The following FOXI2 variants were observed in gnomAD, a reference collection of about 807,000 sequenced individuals.
FOXI2 encodes forkhead box I2.
In FOXI2, 17 loss-of-function variants were observed where a neutral mutation model predicts 14.3. The ratio of observed to expected loss-of-function variants is 1.19; its 90% CI spans 0.81 to 1.78. FOXI2 has a LOEUF of 1.78. Among genes scored for constraint, FOXI2 ranks in the 40% most tolerant of loss-of-function variants. FOXI2 has a pLI of 0.00. For missense variants in FOXI2, 541 were observed against 460.0 expected (o/e 1.18, Z -1.61); for synonymous variants, 240 against 218.8 (o/e 1.10, Z -0.85).
chr10:127,739,227 C>A lies in FOXI2; in HGVS notation c.*262C>A. On this transcript the variant is annotated 3_prime_UTR_variant, in exon 2 of 2. Coordinates refer to ENST00000388920, the MANE Select transcript of FOXI2 (RefSeq NM_207426.3). ...TGCCTCTAAGTCCAGCCGCCCTGGG[C>A]GTCTAGAACCTGTGCTCTCGAGGGA... The A allele has an allele frequency of 2.2e-6, 1 of 464,008 alleles. No homozygotes were observed. The highest frequency in any genetic ancestry group is 4.0e-5 in the Admixed American group (1 of 25,186). The allele number at this position is 464,008 out of a possible 1,614,324, so 28.7% of individuals were successfully genotyped here. A position where few individuals can be genotyped will look rare whatever the true frequency, so the allele number is the denominator to read the frequency against.
Position 127,740,152 on chromosome 10 carries a change from C to CA in FOXI2, c.*1187_*1188insA, listed in dbSNP as rs1564749644. Reference sequence around the variant, plus strand: ...ACACACACCCACACTCATACTCACACCCACACCCACACTCATACTCACACA... The same window carrying CA: ...ACACACACCCACACTCATACTCACACACCACACCCACACTCATACTCACACA... On this transcript the variant is annotated 3_prime_UTR_variant, in exon 2 of 2. Coordinates refer to ENST00000388920, the MANE Select transcript of FOXI2 (RefSeq NM_207426.3). 2.1e-5 allele frequency: 3 copies of CA among 140,260 alleles called. No individual in the cohort carries two copies. The highest frequency in any genetic ancestry group is 3.1e-5 in the Non-Finnish European group (2 of 64,136). The allele number at this position is 140,260 out of a possible 1,614,324, so 8.7% of individuals were successfully genotyped here. A position where few individuals can be genotyped will look rare whatever the true frequency, so the allele number is the denominator to read the frequency against.
Position 127,740,205 on chromosome 10 carries a change from ACACC to A in FOXI2, c.*1244_*1247del, listed in dbSNP as rs772352372. On this transcript the variant is annotated 3_prime_UTR_variant, in exon 2 of 2. Coordinates refer to ENST00000388920, the MANE Select transcript of FOXI2 (RefSeq NM_207426.3). ...CACACCCACACCCACACCCACACCC[ACACC>A]CACACCCACACTCACACAGGCTCAT... 2.0e-5 allele frequency: 3 copies of A among 150,956 alleles called. No homozygotes were observed. The highest frequency in any genetic ancestry group is 4.2e-4 in the South Asian group (2 of 4,774). 9.4% of individuals were successfully genotyped at this position (150,956 alleles called of 1,614,324 possible).
rs1201809947 is a variant in FOXI2 at position 127,737,259 on chromosome 10, C to G, written c.-15C>G. On this transcript the variant is annotated 5_prime_UTR_variant, in exon 1 of 2. Coordinates refer to ENST00000388920, the MANE Select transcript of FOXI2 (RefSeq NM_207426.3). ...CGGTGCGGCACCGCTGGCCCAGGCCCGGGCGCGGCTGGACATGGCCACCTA... is the reference window on the plus strand; with the variant it reads ...CGGTGCGGCACCGCTGGCCCAGGCCGGGGCGCGGCTGGACATGGCCACCTA... The G allele has an allele frequency of 3.4e-6, 5 of 1,471,494 alleles. No homozygotes were observed. Among genetic ancestry groups the G allele is most frequent in the African/African-American group, 1.5e-5 (1 of 67,556 alleles). The allele number at this position is 1,471,494 out of a possible 1,614,324, so 91.2% of individuals were successfully genotyped here.
Position 127,739,968 on chromosome 10 carries a change from TACTCACACTC to T in FOXI2, c.*1006_*1015del, listed in dbSNP as rs1167953776. On this transcript the variant is annotated 3_prime_UTR_variant, in exon 2 of 2. Coordinates refer to ENST00000388920, the MANE Select transcript of FOXI2 (RefSeq NM_207426.3). ...TCACACCCACACACACCCACACTCA[TACTCACACTC>T]ACACCCACACTCACACCACACCCAC... The T allele has an allele frequency of 7.3e-3, 316 of 43,448 alleles. 14 individuals are homozygous for T. Among genetic ancestry groups the T allele is most frequent in the Non-Finnish European group, 0.011 (257 of 23,972 alleles). 2.7% of individuals were successfully genotyped at this position (43,448 alleles called of 1,614,324 possible).
Position 127,738,623 on chromosome 10 carries a change from G to T in FOXI2, c.615G>T (p.Val205=), listed in dbSNP as rs749781674. 6.2e-7 allele frequency: 1 copy of T among 1,605,114 alleles called. No homozygotes were observed. The highest frequency in any genetic ancestry group is 2.2e-5 in the East Asian group (1 of 44,572). ...GGAGAGCTGAAGCCAGCGCGGCCGT[G>T]CGCTCGGGAGCCAGGAGCGTGGGAG... ...RKRRAEASAA[V]RSGARSVGGA... The change falls in exon 2 of 2, where the codon GTG becomes GTT. Residue 205 remains valine (V), a synonymous_variant. Coordinates refer to ENST00000388920, the MANE Select transcript of FOXI2 (RefSeq NM_207426.3).
At chr10:127,737,852 G>A in intron 1 of FOXI2, 68 bp downstream of exon 1, 1 of 1,556,562 alleles carries the variant, frequency 6.4e-7, no homozygotes, top group African/African-American at 1.4e-5. Context: ...CGGGCACTCC[G>A]GGGGTGGGAG....
rs1309093520 is a variant in FOXI2, at chr10:127,738,840, A to G, written c.832A>G (p.Thr278Ala). ...GDFSFGRRPP[T>A]VATHAPQTLN... Reference sequence around the variant, plus strand: ...CTTTTCTTTCGGGAGGCGGCCACCGACAGTCGCCACCCACGCTCCCCAGAC... The same window carrying G: ...CTTTTCTTTCGGGAGGCGGCCACCGGCAGTCGCCACCCACGCTCCCCAGAC... The change falls in exon 2 of 2, where the codon ACA becomes GCA. Residue 278 changes from threonine to alanine, a missense_variant. Physicochemically the swap from Thr to Ala is moderately conservative, Grantham distance 58. Transcript: ENST00000388920. 1.2e-6 allele frequency: 2 copies of G among 1,606,946 alleles called. No individual in the cohort carries two copies. Among genetic ancestry groups the G allele is most frequent in the Non-Finnish European group, 1.7e-6 (2 of 1,178,006 alleles).
In FOXI2 at chr10:127,737,210, G is replaced by A; in HGVS notation, c.-64G>A. ...GCACCCGGGCGCTGCTGGCGGCCAA[G>A]CTGGATGGGTCGCCAGTGAGTTTCG... is the stretch of plus-strand genomic sequence containing the variant. On this transcript the variant is annotated 5_prime_UTR_variant, in exon 1 of 2. Transcript: ENST00000388920. The A allele has an allele frequency of 6.9e-7, 1 of 1,447,016 alleles. No individual in the cohort carries two copies. The highest frequency in any genetic ancestry group is 9.0e-7 in the Non-Finnish European group (1 of 1,110,480). 89.6% of individuals were successfully genotyped at this position (1,447,016 alleles called of 1,614,324 possible). A position where few individuals can be genotyped will look rare whatever the true frequency, so the allele number is the denominator to read the frequency against.
Position 127,740,090 on chromosome 10 carries a change from T to TCACACTCACACCCA in FOXI2, c.*1129_*1142dup, listed in dbSNP as rs1846500576. ...CTCATACTCACACTCACACCCACAC[T>TCACACTCACACCCA]CACACTCACACCCACACTCACACCA... On this transcript the variant is annotated 3_prime_UTR_variant, in exon 2 of 2. Coordinates refer to ENST00000388920, the MANE Select transcript of FOXI2 (RefSeq NM_207426.3). 1.5e-5 allele frequency: 1 copy of TCACACTCACACCCA among 65,034 alleles called. No homozygotes were observed. The highest frequency in any genetic ancestry group is 6.9e-5 in the African/African-American group (1 of 14,428). 4.0% of individuals were successfully genotyped at this position (65,034 alleles called of 1,614,324 possible). A position where few individuals can be genotyped will look rare whatever the true frequency, so the allele number is the denominator to read the frequency against.
Position 127,740,056 on chromosome 10 carries a change from ACACCCACAC to A in FOXI2, c.*1092_*1100del. The A allele has an allele frequency of 9.4e-6, 1 of 106,184 alleles. No homozygotes were observed. Among genetic ancestry groups the A allele is most frequent in the East Asian group, 3.3e-4 (1 of 3,016 alleles). The allele number at this position is 106,184 out of a possible 1,614,324, so 6.6% of individuals were successfully genotyped here. A position where few individuals can be genotyped will look rare whatever the true frequency, so the allele number is the denominator to read the frequency against. On this transcript the variant is annotated 3_prime_UTR_variant, in exon 2 of 2. Coordinates refer to ENST00000388920, the MANE Select transcript of FOXI2 (RefSeq NM_207426.3). ...CACACTCACACTGACACCCACACTC[ACACCCACAC>A]TCATACTCACACTCACACCCACACT... is the stretch of plus-strand genomic sequence containing the variant.
intron 1 of FOXI2, 129 bp downstream of exon 1, chr10:127,737,913 G>C (rs1367786492): frequency 8.6e-6 from 12 of 1,396,722 alleles, no homozygotes; most frequent in Non-Finnish European, 1.1e-5. Flanking sequence ...ACCCGGGGAG[G>C]AGGGAGAAGG....
rs1199206719 is a variant in FOXI2, at chr10:127,738,987, G to A, written c.*22G>A. ...TTGAAGGGAGGCTGGAGGCTAGCCG[G>A]GTGCGGGTCCAGAGGTGCTGAGCTC... is the stretch of plus-strand genomic sequence containing the variant. On this transcript the variant is annotated 3_prime_UTR_variant, in exon 2 of 2. Coordinates refer to ENST00000388920, the MANE Select transcript of FOXI2 (RefSeq NM_207426.3). 1 of 1,588,728 alleles carries A rather than the reference G, an allele frequency of 6.3e-7. No homozygotes were observed. Among genetic ancestry groups the A allele is most frequent in the Non-Finnish European group, 8.5e-7 (1 of 1,173,486 alleles).
Position 127,740,112 on chromosome 10 carries a change from A to ACCCACACTCACC in FOXI2, c.*1149_*1150insCACACTCACCCC, listed in dbSNP as rs1554874555. Reference sequence around the variant, plus strand: ...CACTCACACTCACACCCACACTCACACCACACTCACACCCACACACACCCA... The same window carrying ACCCACACTCACC: ...CACTCACACTCACACCCACACTCACACCCACACTCACCCCACACTCACACCCACACACACCCA... On this transcript the variant is annotated 3_prime_UTR_variant, in exon 2 of 2. Coordinates refer to ENST00000388920, the MANE Select transcript of FOXI2 (RefSeq NM_207426.3). The ACCCACACTCACC allele has an allele frequency of 6.6e-5, 2 of 30,132 alleles. No homozygotes were observed. Among genetic ancestry groups the ACCCACACTCACC allele is most frequent in the African/African-American group, 1.2e-4 (1 of 8,626 alleles). The allele number at this position is 30,132 out of a possible 1,614,324, so 1.9% of individuals were successfully genotyped here. A position where few individuals can be genotyped will look rare whatever the true frequency, so the allele number is the denominator to read the frequency against.
rs1284227044 is a variant in FOXI2, at chr10:127,739,998, A to T, written c.*1033A>T. ...ACACTCACACCCACACTCACACCAC[A>T]CCCACACTCACACTGACACCCACAC... On this transcript the variant is annotated 3_prime_UTR_variant, in exon 2 of 2. Coordinates refer to ENST00000388920, the MANE Select transcript of FOXI2 (RefSeq NM_207426.3). 9.1e-6 allele frequency: 1 copy of T among 109,320 alleles called. No individual in the cohort carries two copies. Among genetic ancestry groups the T allele is most frequent in the Non-Finnish European group, 1.8e-5 (1 of 55,094 alleles). The allele number at this position is 109,320 out of a possible 1,614,324, so 6.8% of individuals were successfully genotyped here. A position where few individuals can be genotyped will look rare whatever the true frequency, so the allele number is the denominator to read the frequency against.
Position 127,737,535 on chromosome 10 carries a change from T to C in FOXI2, c.262T>C (p.Trp88Arg), listed in dbSNP as rs1846431957. ...PGGLAGADLA[W>R]LSLSGQQELL... is the part of the protein sequence containing the mutation. ...CGGCCTGGCGGGCGCCGACCTCGCC[T>C]GGCTGAGCCTCTCCGGCCAGCAGGA... The change falls in exon 1 of 2, where the codon TGG becomes CGG. Residue 88 changes from tryptophan (W) to arginine (R), a missense_variant. Trp to Arg is a moderately radical substitution (Grantham distance 101, BLOSUM62 -3). Transcript: ENST00000388920. 5 of 1,476,646 alleles carry C rather than the reference T, an allele frequency of 3.4e-6. No individual in the cohort carries two copies. In the Admixed American group the frequency reaches 7.4e-5, roughly 22 times the overall value. 91.5% of individuals were successfully genotyped at this position (1,476,646 alleles called of 1,614,324 possible).
rs993608192 is a variant in FOXI2 at position 127,738,716 on chromosome 10, A to G, written c.708A>G (p.Pro236=). The G allele has an allele frequency of 1.3e-6, 2 of 1,598,466 alleles. No homozygotes were observed. Among genetic ancestry groups the G allele is most frequent in the Non-Finnish European group, 1.7e-6 (2 of 1,173,054 alleles). The stretch of plus-strand genomic sequence containing the variant: ...TGGACCTGCAGGCCTCGCCCTCTCC[A>G]TCCGCACCCGAGGCCGCCACCTGCT... ...ACLDLQASPS[P]SAPEAATCFS... The change falls in exon 2 of 2, where the codon CCA becomes CCG. Residue 236 remains proline, a synonymous_variant. Transcript: ENST00000388920.
In FOXI2 at chr10:127,738,715, C is replaced by T. The variant is rs2134994827; in HGVS notation, c.707C>T (p.Pro236Leu). ...CTGGACCTGCAGGCCTCGCCCTCTC[C>T]ATCCGCACCCGAGGCCGCCACCTGC... The part of the protein sequence containing the change: ...ACLDLQASPS[P>L]SAPEAATCFS... Residue 236 changes from proline to leucine, a missense_variant, in exon 2 of 2, where the codon CCA (proline) becomes CTA (leucine). Physicochemically the swap from Pro to Leu is moderately conservative, Grantham distance 98. Transcript: ENST00000388920. The T allele has an allele frequency of 1.9e-6, 3 of 1,598,314 alleles. No homozygotes were observed. Among genetic ancestry groups the T allele is most frequent in the Non-Finnish European group, 2.6e-6 (3 of 1,172,980 alleles).
In FOXI2 at chr10:127,740,114, C is replaced by T. The variant is rs1564749567; in HGVS notation, c.*1149C>T. ...CTCACACTCACACCCACACTCACAC[C>T]ACACTCACACCCACACACACCCACA... On this transcript the variant is annotated 3_prime_UTR_variant, in exon 2 of 2. Transcript: ENST00000388920. 36 of 41,842 alleles carry T rather than the reference C, an allele frequency of 8.6e-4. No individual in the cohort carries two copies. Among genetic ancestry groups the T allele is most frequent in the Non-Finnish European group, 1.0e-3 (18 of 17,180 alleles). The allele number at this position is 41,842 out of a possible 1,614,324, so 2.6% of individuals were successfully genotyped here.
rs1846506795 is a variant in FOXI2 at position 127,740,191 on chromosome 10, C to CACACCCACACT, written c.*1226_*1227insACACCCACACT. 2 of 135,872 alleles carry CACACCCACACT rather than the reference C, an allele frequency of 1.5e-5. No individual in the cohort carries two copies. The highest frequency in any genetic ancestry group is 4.8e-4 in the South Asian group (2 of 4,202). The allele number at this position is 135,872 out of a possible 1,614,324, so 8.4% of individuals were successfully genotyped here. On this transcript the variant is annotated 3_prime_UTR_variant, in exon 2 of 2. Transcript: ENST00000388920. ...CATACTCACACACCCACACCCACAC[C>CACACCCACACT]CACACCCACACCCACACCCACACCC...
Sources: gnomAD v4.1 joint callset for allele counts on GRCh38, gnomAD v4.1.1 for gene constraint, MANE v1.5 for transcripts, NCBI Gene and HGNC (gene_info 2026-07-23, HGNC 2026-07-21) for gene names.